GARNL3: variants seen among roughly 807,000 people sequenced by gnomAD.
GARNL3 encodes the protein GTPase-activating Rap/Ran-GAP domain-like protein 3.
A neutral mutation model predicts 125.0 loss-of-function variants in GARNL3; 63 were observed. The ratio of observed to expected loss-of-function variants is 0.50; its 90% CI spans 0.41 to 0.62. The LOEUF (loss-of-function observed/expected upper bound fraction) is 0.62. GARNL3 is among the 20% of genes least tolerant of loss of function. GARNL3 has a pLI of 0.00. For synonymous variants in GARNL3, 439 were observed against 457.5 expected (o/e 0.96, Z 0.52); for missense variants, 994 against 1,244.0 (o/e 0.80, Z 3.02).
At chr9:127,354,555 GT>G (rs1475650366) in intron 19 of GARNL3, 145 bp downstream of exon 19, 3 of 560,742 alleles carry the variant, frequency 5.4e-6, no homozygotes, top group Non-Finnish European at 9.5e-6. Flanking sequence ...TAGCATCACT[GT>G]TTCCAGAAGG....
Position 127,255,149 on chromosome 9 carries a change from G to A in GARNL3, c.144-9803G>A, listed in dbSNP as rs548608124. On this transcript the variant is annotated intron_variant, in intron 2 of 10. Transcript: ENST00000439286. ...CATGACCTTGCAGCTTCACTCCTGG[G>A]TATGGAATCTAGGGATATGATTGCA... 7.2e-5 allele frequency among the ~76,000 whole-genome samples: 11 copies of A among 152,328 alleles called. No homozygotes were observed. The East Asian group carries it at 2.1e-3, about 29-fold the overall frequency.
chr9:127,264,705 T>C, upstream of GARNL3: 1 of 1,233,248 alleles, frequency 8.1e-7, no homozygotes, highest in Non-Finnish European at 1.0e-6. Flanking sequence ...AAATATTTAA[T>C]TGAATCATTG....
At chr9:127,298,392 T>G (rs2064674481) in intron 2 of GARNL3, among the ~76,000 whole-genome samples, 1 of 152,046 alleles carries the variant, frequency 6.6e-6, no homozygotes, top group African/African-American at 2.4e-5. Context: ...TTGGCCAAGC[T>G]GGTCTCAAAC....
chr9:127,383,492 A>G lies in GARNL3; in HGVS notation c.2216A>G (p.Gln739Arg), dbSNP rs1832379863. The G allele has an allele frequency of 6.2e-7, 1 of 1,613,526 alleles. No individual in the cohort carries two copies. The highest frequency in any genetic ancestry group is 1.3e-5 in the African/African-American group (1 of 74,872). The change falls in exon 23 of 28, where the codon CAA becomes CGA. Residue 739 changes from glutamine to arginine, a missense_variant. Physicochemically the swap from Gln to Arg is conservative, Grantham distance 43. Around this residue, in one of 5 missense-constraint regions of GARNL3, gnomAD observed 728 missense variants for 865.7 expected, o/e 0.84. Coordinates refer to ENST00000373387, the MANE Select transcript of GARNL3 (RefSeq NM_032293.5). ...TTTAATGGTGGCTCTTTTTTGGTTC[A>G]ACCTTCTGCGTCAGATTTCCAGTTC... The part of the protein sequence containing the change: ...CPFNGGSFLV[Q>R]PSASDFQFCW...
Position 127,383,556 on chromosome 9 carries a change from T to C in GARNL3, c.2269+11T>C. 1 of 1,548,682 alleles carries C rather than the reference T, an allele frequency of 6.5e-7. No homozygotes were observed. The highest frequency in any genetic ancestry group is 8.9e-7 in the Non-Finnish European group (1 of 1,124,976). ...CTCCCTATGCAATTGGTAAGAAAAGTCTTTATCATAATGCTTTTCTCCTTC... is the reference window on the plus strand; with the variant it reads ...CTCCCTATGCAATTGGTAAGAAAAGCCTTTATCATAATGCTTTTCTCCTTC... On this transcript the variant is annotated intron_variant, in intron 23 of 27. Transcript: ENST00000373387.
Position 127,291,380 on chromosome 9 carries a change from A to C in GARNL3, c.219+138A>C, listed in dbSNP as rs142681623. 14 of 733,718 alleles carry C rather than the reference A, an allele frequency of 1.9e-5. 1 individual carries two copies. The Admixed American group carries it at 1.9e-4, about 10-fold the overall frequency. 45.5% of individuals were successfully genotyped at this position (733,718 alleles called of 1,614,324 possible). On this transcript the variant is annotated intron_variant, in intron 2 of 27. Transcript: ENST00000373387. ...TTGAAGCAAATGGAAGGGAAATGTCAGTATTCTGGCATGGAAGGTGCTATT... is the reference window on the plus strand; with the variant it reads ...TTGAAGCAAATGGAAGGGAAATGTCCGTATTCTGGCATGGAAGGTGCTATT...
At chr9:127,316,179 C>T (rs550419198) in intron 4 of GARNL3, among the ~76,000 whole-genome samples, 1 of 152,318 alleles carries the variant, frequency 6.6e-6, no homozygotes, top group African/African-American at 2.4e-5. Flanking sequence ...GTGTCACTGT[C>T]ACCCAGTGCA....
intron 9 of GARNL3, 117 bp from the exon 10 acceptor site, chr9:127,335,113 A>C (rs1829478223): frequency 1.5e-5 from 11 of 715,992 alleles, no homozygotes; most frequent in Non-Finnish European, 1.7e-5. Flanking sequence ...GCAGGTGGAT[A>C]ATCCAAATAT....
In GARNL3 at chr9:127,355,488, A is replaced by G; in HGVS notation, c.1935+16A>G. On this transcript the variant is annotated intron_variant, in intron 20 of 27. Coordinates refer to ENST00000373387, the MANE Select transcript of GARNL3 (RefSeq NM_032293.5). ...GTACATCAGGGTAGGTTTGCTCTTT[A>G]AATCATTTATCTCCCAACCAAGTTG... is the stretch of plus-strand genomic sequence containing the variant. 1 of 1,611,946 alleles carries G rather than the reference A, an allele frequency of 6.2e-7. No individual in the cohort carries two copies. The highest frequency in any genetic ancestry group is 8.5e-7 in the Non-Finnish European group (1 of 1,178,080).
chr9:127,366,108 C>G (rs1314084725), intron 22 of GARNL3, among the ~76,000 whole-genome samples: 2 of 152,140 alleles, frequency 1.3e-5, no homozygotes, highest in African/African-American at 2.4e-5. Context: ...CCCAGTCTAA[C>G]AAGACATAAA....
chr9:127,299,725 C>T (rs2064724856), intron 2 of GARNL3, among the ~76,000 whole-genome samples: 1 of 152,184 alleles, frequency 6.6e-6, no homozygotes. Flanking sequence ...CACCAGCCAC[C>T]ACACCTGGCT....
rs1832687171 is a variant in GARNL3, at chr9:127,388,904, G to A, written c.2528G>A (p.Gly843Asp). 1 of 1,567,670 alleles carries A rather than the reference G, an allele frequency of 6.4e-7. No individual in the cohort carries two copies. The change falls in exon 26 of 28, where the codon GGT becomes GAT. Residue 843 changes from glycine (G) to aspartate (D), a missense_variant and splice_region_variant. Around this residue, in one of 5 missense-constraint regions of GARNL3, gnomAD observed 728 missense variants for 865.7 expected, o/e 0.84. Coordinates refer to ENST00000373387, the MANE Select transcript of GARNL3 (RefSeq NM_032293.5). Reference protein sequence around the residue: ...TPVFPSSLGEGEIQSKNLYKI... With the variant: ...TPVFPSSLGEDEIQSKNLYKI... Reference sequence around the variant, plus strand: ...TGTTCTTTTTGAAATCACATTTCAGGTGAAATTCAATCAAAAAATCTGTAC... The same window carrying A: ...TGTTCTTTTTGAAATCACATTTCAGATGAAATTCAATCAAAAAATCTGTAC...
intron 1 of GARNL3, among the ~76,000 whole-genome samples, chr9:127,275,788 A>G (rs970294830): frequency 1.3e-5 from 2 of 152,224 alleles, no homozygotes; most frequent in African/African-American, 2.4e-5. Context: ...ACATGTAATT[A>G]AAGCAGTTAC....
At position 127,393,446 on chromosome 9, in the gene GARNL3, G is replaced by A; in HGVS notation, c.*192G>A. The A allele has an allele frequency of 2.3e-6, 1 of 431,112 alleles. No individual in the cohort carries two copies. The highest frequency in any genetic ancestry group is 4.2e-6 in the Non-Finnish European group (1 of 240,564). 26.7% of individuals were successfully genotyped at this position (431,112 alleles called of 1,614,324 possible). A position where few individuals can be genotyped will look rare whatever the true frequency, so the allele number is the denominator to read the frequency against. ...TCTTTCCTGACCTTTGTTTCTTTCT[G>A]TTCAGGAACCATCAGTCCCCTTGTA... On this transcript the variant is annotated 3_prime_UTR_variant, in exon 28 of 28. Transcript: ENST00000373387.
Position 127,357,380 on chromosome 9 carries a change from A to G in GARNL3, c.2094+3A>G. On this transcript the variant is annotated splice_donor_region_variant and intron_variant, in intron 21 of 27. Coordinates refer to ENST00000373387, the MANE Select transcript of GARNL3 (RefSeq NM_032293.5). ...TGCACCACGTGGAGGCCAACAGGGT[A>G]AGCCAGCGGTTGTGGGGACAAGTGA... is the stretch of plus-strand genomic sequence containing the variant. 1.2e-6 allele frequency: 2 copies of G among 1,613,470 alleles called. No homozygotes were observed. The highest frequency in any genetic ancestry group is 1.7e-6 in the Non-Finnish European group (2 of 1,179,940).
At chr9:127,229,291 C>T (rs1423349996) in intron 1 of GARNL3, among the ~76,000 whole-genome samples, 2 of 152,164 alleles carry the variant, frequency 1.3e-5, no homozygotes, top group Non-Finnish European at 2.9e-5. Context: ...ACCGTCTTAG[C>T]CATACAGGTG....
chr9:127,328,575 T>C (rs1480050055), intron 7 of GARNL3, among the ~76,000 whole-genome samples: 1 of 152,048 alleles, frequency 6.6e-6, no homozygotes, highest in Non-Finnish European at 1.5e-5. Context: ...GTACTACACA[T>C]GGAGAGAGGA....
intron 20 of GARNL3, among the ~76,000 whole-genome samples, chr9:127,356,167 A>G (rs1408081902): frequency 6.6e-6 from 1 of 152,180 alleles, no homozygotes; most frequent in Non-Finnish European, 1.5e-5. Context: ...CAGGTTTTGA[A>G]AAGATTGTCC....
chr9:127,383,590 G>A (rs1832387242), intron 23 of GARNL3, 45 bp downstream of exon 23: 2 of 1,313,166 alleles, frequency 1.5e-6, no homozygotes, highest in East Asian at 2.3e-5. Context: ...TCATGGATAT[G>A]TCTGAACTAT....
Sources: allele counts gnomAD v4.1 joint callset (sites outside exome capture counted in the v4.1 genomes callset), GRCh38; gene constraint gnomAD v4.1.1; regional missense constraint gnomAD v4.1.1; transcripts MANE v1.5; gene names NCBI Gene and HGNC (gene_info 2026-07-23, HGNC 2026-07-21).